Variants in CDH4 observed in about 807,000 individuals in gnomAD.
CDH4 encodes the protein cadherin-4.
A neutral mutation model predicts 86.0 loss-of-function variants in CDH4; 33 were observed. The ratio of observed to expected loss-of-function variants is 0.38; its 90% CI spans 0.29 to 0.51. The LOEUF (loss-of-function observed/expected upper bound fraction) is 0.51. CDH4 is among the 20% of genes least tolerant of loss of function. The pLI, the probability that CDH4 is intolerant of heterozygous loss-of-function variation, is 0.86. For synonymous variants in CDH4, 555 were observed against 549.4 expected (o/e 1.01, Z -0.14); for missense variants, 1,114 against 1,307.4 (o/e 0.85, Z 2.28).
chr20:61,288,638 C>T (rs1218330638), intron 2 of CDH4, among the ~76,000 whole-genome samples: 1 of 152,228 alleles, frequency 6.6e-6, no homozygotes, highest in Non-Finnish European at 1.5e-5. Context: ...CCAGGCAGCC[C>T]TCCTGCTGCA....
intron 2 of CDH4, among the ~76,000 whole-genome samples, chr20:61,473,822 G>C (rs2145571105): frequency 6.6e-6 from 1 of 151,950 alleles, no homozygotes; most frequent in Non-Finnish European, 1.5e-5. Flanking sequence ...CACTCAGACA[G>C]ACACACAGAG....
intron 2 of CDH4, among the ~76,000 whole-genome samples, chr20:61,489,504 T>C (rs2085614275): frequency 6.6e-6 from 1 of 152,214 alleles, no homozygotes; most frequent in Admixed American, 6.5e-5. Context: ...ACCCACCTAA[T>C]AGTCGTGATA....
In CDH4 at chr20:61,374,682, G is replaced by A. The variant is rs190290864; in HGVS notation, c.169+119745G>A. Among the ~76,000 whole-genome samples, 198 of 152,244 alleles carry A rather than the reference G, an allele frequency of 1.3e-3. 3 individuals carry two copies. The highest frequency in any genetic ancestry group is 0.012 in the Admixed American group (187 of 15,298). ...GAATTTAACCTGAAAGATCGGTTTG[G>A]GCCTTGAGTGGAGTTCGGACATGCC... On this transcript the variant is annotated intron_variant, in intron 2 of 15. Coordinates refer to ENST00000614565, the MANE Select transcript of CDH4 (RefSeq NM_001794.5).
intron 7 of CDH4, among the ~76,000 whole-genome samples, chr20:61,878,761 C>T (rs1205602235): frequency 6.6e-6 from 1 of 152,268 alleles, no homozygotes; most frequent in Non-Finnish European, 1.5e-5. Context: ...CCACTCTGCC[C>T]GCTCAGCCAT....
intron 4 of CDH4, among the ~76,000 whole-genome samples, chr20:61,821,317 A>C (rs1444052696): frequency 3.5e-4 from 17 of 48,310 alleles, no homozygotes; most frequent in Admixed American, 8.7e-4. Context: ...GTCCCCTCTC[A>C]CTCCCTACAC....
intron 2 of CDH4, among the ~76,000 whole-genome samples, chr20:61,342,123 A>G (rs940115215): frequency 6.6e-6 from 1 of 152,178 alleles, no homozygotes; most frequent in Non-Finnish European, 1.5e-5. Context: ...TGGGACAGCA[A>G]TGATTGAAAA....
intron 2 of CDH4, among the ~76,000 whole-genome samples, chr20:61,412,810 G>T (rs1435583061): frequency 6.6e-6 from 1 of 152,144 alleles, no homozygotes; most frequent in East Asian, 1.9e-4. Flanking sequence ...GTTCTAGATG[G>T]CCAGGCCTGG....
intron 8 of CDH4, among the ~76,000 whole-genome samples, chr20:61,909,355 A>G (rs942989322): frequency 6.6e-6 from 1 of 152,200 alleles, no homozygotes; most frequent in Non-Finnish European, 1.5e-5. Context: ...GAAGCCAGAC[A>G]CAAGTGCTGG....
At chr20:61,764,650 C>G (rs978620616) in intron 3 of CDH4, among the ~76,000 whole-genome samples, 1 of 152,184 alleles carries the variant, frequency 6.6e-6, no homozygotes, top group African/African-American at 2.4e-5. Flanking sequence ...ATGCATGGGG[C>G]TTTGTCGTGC....
At chr20:61,599,878 T>A in intron 2 of CDH4, 2 of 985,506 alleles carry the variant, frequency 2.0e-6, no homozygotes, top group Non-Finnish European at 2.4e-6. Flanking sequence ...GGAGCAATCT[T>A]CTCAGCCGTG....
chr20:61,867,026 C>T (rs1225730758), intron 6 of CDH4, among the ~76,000 whole-genome samples: 1 of 152,216 alleles, frequency 6.6e-6, no homozygotes, highest in East Asian at 1.9e-4. Flanking sequence ...TTAAGAGCAG[C>T]GTCCATCCTC....
At chr20:61,594,602 T>A (rs1024214448) in intron 2 of CDH4, among the ~76,000 whole-genome samples, 1 of 152,228 alleles carries the variant, frequency 6.6e-6, no homozygotes, top group African/African-American at 2.4e-5. Context: ...AGACACCTGC[T>A]GCCGCCTTTT....
At chr20:61,765,273 G>A (rs2088685153) in intron 3 of CDH4, among the ~76,000 whole-genome samples, 2 of 152,180 alleles carry the variant, frequency 1.3e-5, no homozygotes, top group Admixed American at 1.3e-4. Context: ...GTAAGAGGCG[G>A]GAGTGGTGAC....
intron 4 of CDH4, among the ~76,000 whole-genome samples, chr20:61,840,497 C>T (rs2146095438): frequency 6.6e-6 from 1 of 152,318 alleles, no homozygotes; most frequent in South Asian, 2.1e-4. Flanking sequence ...AAGCAGAAGT[C>T]CCTGGGTGAA....
chr20:61,342,591 A>C (rs2084654615), intron 2 of CDH4, among the ~76,000 whole-genome samples: 1 of 152,288 alleles, frequency 6.6e-6, no homozygotes, highest in Non-Finnish European at 1.5e-5. Context: ...CGCTTCGTGC[A>C]CTCACCTGCT....
At chr20:61,695,700 T>A (rs2087708107) in intron 2 of CDH4, among the ~76,000 whole-genome samples, 2 of 152,212 alleles carry the variant, frequency 1.3e-5, no homozygotes, top group South Asian at 4.1e-4. Context: ...GCAGTCACAG[T>A]GTCTGAGAGA....
chr20:61,638,143 A>G (rs576177199), intron 2 of CDH4, among the ~76,000 whole-genome samples: 14 of 152,188 alleles, frequency 9.2e-5, no homozygotes, highest in Non-Finnish European at 1.6e-4. Flanking sequence ...AGCATCCACC[A>G]TAGACGAGTG....
At chr20:61,289,612 G>A (rs866812565) in intron 2 of CDH4, among the ~76,000 whole-genome samples, 3 of 152,340 alleles carry the variant, frequency 2.0e-5, no homozygotes, top group South Asian at 2.1e-4. Context: ...AGCCCTTTGA[G>A]GCTTGCTTGG....
chr20:61,311,105 G>A (rs1185102096), intron 2 of CDH4, among the ~76,000 whole-genome samples: 2 of 152,092 alleles, frequency 1.3e-5, no homozygotes, highest in Admixed American at 6.5e-5. Flanking sequence ...GCGAACCTCC[G>A]GTGACTCAGG....
Sources: gnomAD v4.1 joint callset for allele counts (sites outside exome capture counted in the v4.1 genomes callset) on GRCh38, gnomAD v4.1.1 for gene constraint, MANE v1.5 for transcripts, NCBI Gene and HGNC (gene_info 2026-07-23, HGNC 2026-07-21) for gene names.